The following ALDH1A3 variants were observed in gnomAD, a reference collection of about 807,000 sequenced individuals.
ALDH1A3 encodes the protein aldehyde dehydrogenase 1 family member A3.
ALDH1A3 carries 28 observed loss-of-function variants against 57.5 expected under a neutral mutation model. The observed-to-expected ratio is 0.49, with a 90% CI of 0.36 to 0.67. ALDH1A3 has a LOEUF of 0.67. Among genes scored for constraint, ALDH1A3 ranks in the 30% least tolerant of loss-of-function variants. The pLI is 0.00. For synonymous variants in ALDH1A3, 281 were observed against 264.8 expected (o/e 1.06, Z -0.59); for missense variants, 507 against 669.4 (o/e 0.76, Z 2.68).
At chr15:100,897,716 G>A (rs538114664) in intron 7 of ALDH1A3, among the ~76,000 whole-genome samples, 91 of 152,356 alleles carry the variant, frequency 6.0e-4, no homozygotes, top group Admixed American at 2.4e-3. Context: ...GTCACCCTGC[G>A]GTCCCTGAAG....
At chr15:100,899,178 G>A (rs2041742139) in intron 8 of ALDH1A3, among the ~76,000 whole-genome samples, 1 of 152,188 alleles carries the variant, frequency 6.6e-6, no homozygotes. Flanking sequence ...AGGGGAGCTG[G>A]GTGTGAAGAT....
At chr15:100,911,216 T>C (rs970060348) in intron 12 of ALDH1A3, among the ~76,000 whole-genome samples, 27 of 152,344 alleles carry the variant, frequency 1.8e-4, no homozygotes, top group African/African-American at 6.5e-4. Context: ...GAAGTTCCCC[T>C]TTTTTAATGC....
Position 100,887,833 on chromosome 15 carries a change from A to T in ALDH1A3, c.345+121A>T. The T allele has an allele frequency of 8.2e-7, 1 of 1,225,136 alleles. No homozygotes were observed. Among genetic ancestry groups the T allele is most frequent in the Non-Finnish European group, 1.1e-6 (1 of 921,584 alleles). 75.9% of individuals were successfully genotyped at this position (1,225,136 alleles called of 1,614,324 possible). ...TTTTGTGTGGTCGTGGGTCTGTTCCATCCTCTGAGACACGGCTCTCTGGCA... is the reference window on the plus strand; with the variant it reads ...TTTTGTGTGGTCGTGGGTCTGTTCCTTCCTCTGAGACACGGCTCTCTGGCA... On this transcript the variant is annotated intron_variant, in intron 3 of 12. Transcript: ENST00000329841. The surrounding 1 kb of genome is among the most constrained non-coding windows in gnomAD (Gnocchi z 4.6).
chr15:100,892,921 C>T (rs1226384113), intron 4 of ALDH1A3, 24 bp from the exon 5 acceptor site: 1 of 1,612,464 alleles, frequency 6.2e-7, no homozygotes, highest in Non-Finnish European at 8.5e-7. Flanking sequence ...GTGTGTCCTT[C>T]CCCACCATGT....
chr15:100,886,372 G>A (rs1358451403), intron 2 of ALDH1A3, among the ~76,000 whole-genome samples: 1 of 152,234 alleles, frequency 6.6e-6, no homozygotes, highest in Non-Finnish European at 1.5e-5. Context: ...GGTGCTAGGA[G>A]GAGAACGAGA....
At chr15:100,909,660 G>A (rs1258651893) in intron 12 of ALDH1A3, among the ~76,000 whole-genome samples, 1 of 152,202 alleles carries the variant, frequency 6.6e-6, no homozygotes, top group Non-Finnish European at 1.5e-5. Flanking sequence ...TGCCTGCTGG[G>A]AAAATGAGTT....
In ALDH1A3 at chr15:100,915,890, G is replaced by A. The variant is rs1244472615; in HGVS notation, c.*1117G>A. ...AGTGGCCTGAGTATTTCACTGGCAG[G>A]TTGTGAATTTTTCTTTTCCTCTTTG... On this transcript the variant is annotated 3_prime_UTR_variant, in exon 13 of 13. Transcript: ENST00000329841. The A allele has an allele frequency of 3.3e-5, 5 of 152,186 alleles. No individual in the cohort carries two copies. Among genetic ancestry groups the A allele is most frequent in the African/African-American group, 9.7e-5 (4 of 41,426 alleles). 9.4% of individuals were successfully genotyped at this position (152,186 alleles called of 1,614,324 possible). A position where few individuals can be genotyped will look rare whatever the true frequency, so the allele number is the denominator to read the frequency against.
Position 100,887,795 on chromosome 15 carries a change from A to G in ALDH1A3, c.345+83A>G. On this transcript the variant is annotated intron_variant, in intron 3 of 12. Transcript: ENST00000329841. This position sits in a 1 kb window ranked among gnomAD's most constrained non-coding sequence, Gnocchi z 4.6. ...TCCACCATGGGGTATGGGAAAAAAGATCACGGTCCTGGTTTTGTGTGGTCG... is the reference window on the plus strand; with the variant it reads ...TCCACCATGGGGTATGGGAAAAAAGGTCACGGTCCTGGTTTTGTGTGGTCG... The G allele has an allele frequency of 6.8e-7, 1 of 1,465,390 alleles. No homozygotes were observed. Among genetic ancestry groups the G allele is most frequent in the Non-Finnish European group, 9.1e-7 (1 of 1,102,856 alleles). The allele number at this position is 1,465,390 out of a possible 1,614,324, so 90.8% of individuals were successfully genotyped here.
In ALDH1A3 at chr15:100,885,981, G is replaced by A. The variant is rs1289061839; in HGVS notation, c.204+610G>A. Among the ~76,000 whole-genome samples the A allele has an allele frequency of 2.0e-5, 3 of 152,186 alleles. No individual in the cohort carries two copies. In the East Asian group the frequency reaches 5.8e-4, roughly 29 times the overall value. ...GAATGTGTCCTTTATACATTGCAAG[G>A]CCATCAAATCTATTCTGAATGTCAG... On this transcript the variant is annotated intron_variant, in intron 2 of 12. Transcript: ENST00000329841.
rs2041813330 is a variant in ALDH1A3 at position 100,905,543 on chromosome 15, C to A, written c.1089C>A (p.Asp363Glu). The A allele has an allele frequency of 6.2e-7, 1 of 1,614,182 alleles. No individual in the cohort carries two copies. The highest frequency in any genetic ancestry group is 8.5e-7 in the Non-Finnish European group (1 of 1,180,020). Residue 363 changes from aspartate (D) to glutamate (E), a missense_variant, in exon 10 of 13, where the codon GAC becomes GAA. This residue lies in a region of ALDH1A3 where 432 missense variants were observed against 608.4 expected (regional missense o/e 0.71). Coordinates refer to ENST00000329841, the MANE Select transcript of ALDH1A3 (RefSeq NM_000693.4). Reference sequence around the variant, plus strand: ...TGCAGATTGATCAAAAGCAGTTCGACAAAATCTTAGAGCTGATCGAGAGTG... The same window carrying A: ...TGCAGATTGATCAAAAGCAGTTCGAAAAAATCTTAGAGCTGATCGAGAGTG... ...QGPQIDQKQFDKILELIESGK... is the reference protein window; with the variant it reads ...QGPQIDQKQFEKILELIESGK...
At chr15:100,881,086 G>C (rs1338159511) in intron 1 of ALDH1A3, 7 of 152,262 alleles carry the variant, frequency 4.6e-5, no homozygotes, top group Non-Finnish European at 1.0e-4. Context: ...TTAAGAAGTA[G>C]CAATTATCTT....
intron 1 of ALDH1A3, chr15:100,881,337 G>A (rs906072989): frequency 1.1e-4 from 16 of 152,184 alleles, no homozygotes; most frequent in African/African-American, 3.9e-4. Context: ...ATTCCAACAC[G>A]AATTCTGGGA....
chr15:100,883,843 A>G, intron 1 of ALDH1A3, among the ~76,000 whole-genome samples: 1 of 152,200 alleles, frequency 6.6e-6, no homozygotes, highest in East Asian at 1.9e-4. Flanking sequence ...ACTCATGCTT[A>G]GGAGATGGCT....
Position 100,889,082 on chromosome 15 carries a change from G to A in ALDH1A3, c.345+1370G>A, listed in dbSNP as rs1207320922. ...TGATCAGAGGACATCTCAGGGCCAC[G>A]TTGGGCCATGAGGTCCTTTGCATCC... On this transcript the variant is annotated intron_variant, in intron 3 of 12. Coordinates refer to ENST00000329841, the MANE Select transcript of ALDH1A3 (RefSeq NM_000693.4). This position sits in a 1 kb window ranked among gnomAD's most constrained non-coding sequence, Gnocchi z 5.1. The A allele has an allele frequency of 6.6e-6, 1 of 152,226 alleles. No homozygotes were observed. Among genetic ancestry groups the A allele is most frequent in the Non-Finnish European group, 1.5e-5 (1 of 68,050 alleles). The allele number at this position is 152,226 out of a possible 1,614,324, so 9.4% of individuals were successfully genotyped here.
At chr15:100,911,283 G>T (rs1040188315) in intron 12 of ALDH1A3, among the ~76,000 whole-genome samples, 4 of 152,210 alleles carry the variant, frequency 2.6e-5, no homozygotes, top group Non-Finnish European at 5.9e-5. Flanking sequence ...CCTGGACTGG[G>T]CTGGCTTCTG....
chr15:100,891,482 GC>G (rs1368226458), intron 3 of ALDH1A3, among the ~76,000 whole-genome samples: 5 of 152,238 alleles, frequency 3.3e-5, no homozygotes, highest in African/African-American at 1.2e-4. Context: ...AGAAGTAGAT[GC>G]CCCCAATTCA....
chr15:100,900,540 C>A, intron 8 of ALDH1A3, 35 bp from the exon 9 acceptor site: 1 of 1,545,910 alleles, frequency 6.5e-7, no homozygotes, highest in South Asian at 1.2e-5. Context: ...CGCTTCCTCT[C>A]GCTCTGCCCG....
At position 100,894,186 on chromosome 15, in the gene ALDH1A3, C is replaced by A; in HGVS notation, c.666+104C>A. ...GGGACAGTGGCAGACTGCTGGCAAT[C>A]GAGTGGGAAGGGAATGACTTCCAGT... On this transcript the variant is annotated intron_variant, in intron 6 of 12. Transcript: ENST00000329841. This position sits in a 1 kb window ranked among gnomAD's most constrained non-coding sequence, Gnocchi z 4.5. 1 of 1,419,068 alleles carries A rather than the reference C, an allele frequency of 7.0e-7. No homozygotes were observed. Among genetic ancestry groups the A allele is most frequent in the Non-Finnish European group, 9.6e-7 (1 of 1,040,074 alleles). The allele number at this position is 1,419,068 out of a possible 1,614,324, so 87.9% of individuals were successfully genotyped here.
intron 11 of ALDH1A3, 93 bp downstream of exon 11, chr15:100,907,371 A>C: frequency 7.0e-7 from 1 of 1,431,204 alleles, no homozygotes; most frequent in Non-Finnish European, 9.6e-7. Flanking sequence ...CATTGTTTAC[A>C]TTGTATATTA....
Sources: gnomAD v4.1 joint callset for allele counts (sites outside exome capture counted in the v4.1 genomes callset) on GRCh38, gnomAD v4.1.1 for gene constraint, gnomAD v4.1.1 regional missense constraint, Gnocchi (gnomAD v3.1) non-coding constraint, MANE v1.5 for transcripts, NCBI Gene and HGNC (gene_info 2026-07-23, HGNC 2026-07-21) for gene names.